The following C5 variants were observed in gnomAD, a reference collection of about 807,000 sequenced individuals.
C5 encodes the protein C3 and PZP-like alpha-2-macroglobulin domain-containing protein 4.
In C5, 140 loss-of-function variants were observed where a neutral mutation model predicts 218.8. That is an observed-to-expected ratio of 0.64 (90% CI 0.56 to 0.74). C5 has a LOEUF of 0.74. Ranked by LOEUF, C5 falls within the 30% of genes least tolerant of loss-of-function variation. The pLI, the probability that C5 is intolerant of heterozygous loss-of-function variation, is 0.00. For synonymous variants in C5, 614 were observed against 682.3 expected (o/e 0.90, Z 1.56); for missense variants, 1,700 against 1,969.6 (o/e 0.86, Z 2.59).
chr9:121,043,111 T>G lies in C5; in HGVS notation c.314A>C (p.Glu105Ala), dbSNP rs754822238. Residue 105 changes from glutamate to alanine, a missense_variant, in exon 3 of 41, where the codon GAA becomes GCA. Glu to Ala is a moderately radical substitution (Grantham distance 107). Transcript: ENST00000223642. ...GQNPVSYVYLEVVSKHFSKSK... is the reference protein window; with the variant it reads ...GQNPVSYVYLAVVSKHFSKSK... ...TTTTGAAAAATGCTTTGATACAACT[T>G]CCAAATACACATAAGAAACTGGGTT... is the stretch of plus-strand genomic sequence containing the variant. 5.6e-6 allele frequency: 9 copies of G among 1,613,302 alleles called. No individual in the cohort carries two copies. The highest frequency in any genetic ancestry group is 7.6e-6 in the Non-Finnish European group (9 of 1,179,574).
intron 17 of C5, among the ~76,000 whole-genome samples, chr9:121,012,605 CAT>C (rs1344474985): frequency 6.6e-6 from 1 of 152,162 alleles, no homozygotes; most frequent in East Asian, 1.9e-4. Flanking sequence ...TTTCTACAAA[CAT>C]AAATTTTGTG....
At position 120,989,217 on chromosome 9, in the gene C5, G is replaced by A. The variant is rs753386251; in HGVS notation, c.3155-96C>T. On this transcript the variant is annotated intron_variant, in intron 24 of 40. Coordinates refer to ENST00000223642, the MANE Select transcript of C5 (RefSeq NM_001735.3). ...GCCCTGAGAATGGTAAGCTTCCTTT[G>A]GTGTTGGGCAGCAAGCATATGCTCT... 80 of 970,520 alleles carry A rather than the reference G, an allele frequency of 8.2e-5. No individual in the cohort carries two copies. The African/African-American group carries it at 1.2e-3, about 15-fold the overall frequency. 60.1% of individuals were successfully genotyped at this position (970,520 alleles called of 1,614,324 possible). A position where few individuals can be genotyped will look rare whatever the true frequency, so the allele number is the denominator to read the frequency against.
chr9:120,982,718 C>T lies in C5; in HGVS notation c.3327G>A (p.Glu1109=), dbSNP rs1229314369. Residue 1109 remains glutamate, a synonymous_variant, in exon 26 of 41, where the codon GAG becomes GAA. Transcript: ENST00000223642. ...SICNSLLWLV[E]NYQLDNGSFK... Reference sequence around the variant, plus strand: ...AAGATCCATTATCTAATTGATAATTCTCAACTAGCCACAATAAAGAATTAC... The same window carrying T: ...AAGATCCATTATCTAATTGATAATTTTCAACTAGCCACAATAAAGAATTAC... The T allele has an allele frequency of 6.2e-7, 1 of 1,602,264 alleles. No homozygotes were observed.
At chr9:121,046,778 A>G (rs138347610) in intron 1 of C5, among the ~76,000 whole-genome samples, 5 of 152,294 alleles carry the variant, frequency 3.3e-5, no homozygotes, top group Non-Finnish European at 7.4e-5. Flanking sequence ...ACCGTGGTAA[A>G]GTCACTAAGT....
At chr9:120,998,703 T>G (rs2047137582) in intron 20 of C5, among the ~76,000 whole-genome samples, 1 of 152,214 alleles carries the variant, frequency 6.6e-6, no homozygotes, top group African/African-American at 2.4e-5. Flanking sequence ...ATGAACTCTC[T>G]AATCCTCCAT....
intron 31 of C5, 144 bp from the exon 32 acceptor site, chr9:120,970,395 T>A (rs2046902292): frequency 1.4e-6 from 1 of 694,908 alleles, no homozygotes; most frequent in African/African-American, 1.8e-5. Context: ...AGTGACTCAT[T>A]TTTCCAGCAG....
chr9:121,053,537 C>G (rs147363648), upstream of C5, among the ~76,000 whole-genome samples: 1 of 152,018 alleles, frequency 6.6e-6, no homozygotes, highest in Non-Finnish European at 1.5e-5. Context: ...CAACTATCCA[C>G]GCAAGACAGC....
chr9:121,008,435 A>G lies in C5; in HGVS notation c.2321T>C (p.Leu774Ser). ...TCTGGGAACAAGATGAACTTCCCAC[A>G]ACCAGCTTTCTGGAAAATAACTCCG... ...EIRSYFPESW[L>S]WEVHLVPRRK... Residue 774 changes from leucine (L) to serine (S), a missense_variant, in exon 18 of 41, where the codon TTG becomes TCG. By Grantham distance (145) the Leu-to-Ser change is moderately radical. Transcript: ENST00000223642. 6.2e-7 allele frequency: 1 copy of G among 1,613,712 alleles called. No individual in the cohort carries two copies.
intron 39 of C5, 48 bp from the exon 40 acceptor site, chr9:120,953,916 G>T (rs1389114510): frequency 5.0e-6 from 8 of 1,600,746 alleles, no homozygotes; most frequent in Non-Finnish European, 6.8e-6. Context: ...ATGTTTTAAT[G>T]TCACAATTAT....
intron 4 of C5, among the ~76,000 whole-genome samples, chr9:121,037,086 G>A (rs1031484904): frequency 2.0e-5 from 3 of 151,656 alleles, no homozygotes; most frequent in Non-Finnish European, 2.9e-5. Context: ...TCTGATAAAT[G>A]GTGAATTACT....
At chr9:120,958,693 G>A (rs2046804377) in intron 38 of C5, among the ~76,000 whole-genome samples, 1 of 152,054 alleles carries the variant, frequency 6.6e-6, no homozygotes. Context: ...AAATACTGGA[G>A]ATCAGGATGC....
chr9:120,973,406 A>G (rs2046929099), intron 30 of C5, among the ~76,000 whole-genome samples: 1 of 152,210 alleles, frequency 6.6e-6, no homozygotes, highest in Non-Finnish European at 1.5e-5. Flanking sequence ...ACTAGGGACC[A>G]CAAGCACAAA....
At chr9:121,019,930 G>T in intron 12 of C5, 46 bp downstream of exon 12, 1 of 1,246,500 alleles carries the variant, frequency 8.0e-7, no homozygotes, top group Non-Finnish European at 1.2e-6. Context: ...AAAGGAAAAT[G>T]TTCCAGGTGG....
intron 14 of C5, among the ~76,000 whole-genome samples, chr9:121,017,095 A>G (rs1364496514): frequency 6.6e-6 from 1 of 152,184 alleles, no homozygotes; most frequent in Non-Finnish European, 1.5e-5. Context: ...CTAAACCTCC[A>G]AAGTATTCTG....
chr9:121,004,540 G>A (rs1165614472), intron 20 of C5, among the ~76,000 whole-genome samples: 1 of 152,168 alleles, frequency 6.6e-6, no homozygotes. Context: ...TTGGGAAGCT[G>A]AGGCAGGTGG....
intron 20 of C5, chr9:120,999,578 C>T (rs1052184260): frequency 3.4e-5 from 7 of 203,740 alleles, no homozygotes; most frequent in Non-Finnish European, 6.0e-5. Flanking sequence ...AAATACTGAA[C>T]TGAGATTTCA....
At chr9:121,052,594 G>GCT (rs1200408073), upstream of C5, among the ~76,000 whole-genome samples, 1 of 151,814 alleles carries the variant, frequency 6.6e-6, no homozygotes, top group African/African-American at 2.4e-5. Context: ...GTGGTCACCT[G>GCT]ACCTTCCTGC....
chr9:120,953,336 G>A (rs543650571), intron 40 of C5, among the ~76,000 whole-genome samples: 2 of 152,296 alleles, frequency 1.3e-5, no homozygotes, highest in East Asian at 3.9e-4. Flanking sequence ...TTAAGGAATT[G>A]TAAAGCTGCC....
chr9:121,015,164 A>C, intron 16 of C5, 35 bp downstream of exon 16: 1 of 1,382,928 alleles, frequency 7.2e-7, no homozygotes, highest in Non-Finnish European at 1.0e-6. Context: ...TGATATGACC[A>C]TAACCTTTTT....
Sources: allele counts gnomAD v4.1 joint callset (sites outside exome capture counted in the v4.1 genomes callset), GRCh38; gene constraint gnomAD v4.1.1; transcripts MANE v1.5; gene names NCBI Gene and HGNC (gene_info 2026-07-23, HGNC 2026-07-21).